Variants in DSCAM observed in about 807,000 individuals in gnomAD.
The protein encoded by DSCAM is cell adhesion molecule DSCAM.
Under a neutral mutation model 217.7 loss-of-function variants are expected in DSCAM, and 47 were observed. The ratio of observed to expected loss-of-function variants is 0.22; its 90% confidence interval spans 0.17 to 0.28. The LOEUF (loss-of-function observed/expected upper bound fraction) is 0.28. DSCAM is among the 10% of genes least tolerant of loss of function. The pLI, the probability that DSCAM is intolerant of heterozygous loss-of-function variation, is 1.00. For missense variants in DSCAM, 2,080 were observed against 2,618.3 expected (o/e 0.79, Z 4.49); for synonymous variants, 1,056 against 1,015.3 (o/e 1.04, Z -0.76).
At chr21:40,213,224 T>G (rs2091202768) in intron 11 of DSCAM, among the ~76,000 whole-genome samples, 1 of 152,228 alleles carries the variant, frequency 6.6e-6, no homozygotes, top group African/African-American at 2.4e-5. Context: ...TTCCACGTTT[T>G]GCTTTATTTT....
intron 3 of DSCAM, among the ~76,000 whole-genome samples, chr21:40,419,138 CTTT>C (rs58690151): frequency 1.8e-4 from 25 of 138,384 alleles, no homozygotes; most frequent in Admixed American, 3.6e-4. Flanking sequence ...ACCCGGCTAG[CTTT>C]TTTTTTTTTT....
At position 40,236,611 on chromosome 21, in the gene DSCAM, C is replaced by T. The variant is rs563121330; in HGVS notation, c.2356+39486G>A. 9.4e-4 allele frequency among the ~76,000 whole-genome samples: 143 copies of T among 152,268 alleles called. 1 individual carries two copies. The highest frequency in any genetic ancestry group is 3.1e-3 in the African/African-American group (127 of 41,556). On this transcript the variant is annotated intron_variant, in intron 11 of 32. Transcript: ENST00000400454. ...GGGGTCAGGCTGCCCAGACTCACAA[C>T]CTGGCTCTGCTTCATAGAAGCCTGG...
rs1310347182 is a variant in DSCAM at position 40,518,317 on chromosome 21, G to C, written c.509-149072C>G. ...CATGTGGCAGCCAGTCTGTCAAAGAGCCTCGCAGACCATCTGCACATATTT... is the reference window on the plus strand; with the variant it reads ...CATGTGGCAGCCAGTCTGTCAAAGACCCTCGCAGACCATCTGCACATATTT... On this transcript the variant is annotated intron_variant, in intron 3 of 32. Transcript: ENST00000400454. Among the ~76,000 whole-genome samples, 3 of 83,192 alleles carry C rather than the reference G, an allele frequency of 3.6e-5. No individual in the cohort carries two copies. In the East Asian group the frequency reaches 9.2e-4, roughly 25 times the overall value. The allele number at this position is 83,192 out of a possible 152,430, so 54.6% of individuals were successfully genotyped here. A position where few individuals can be genotyped will look rare whatever the true frequency, so the allele number is the denominator to read the frequency against.
chr21:40,677,713 A>T (rs1302599459), intron 3 of DSCAM, among the ~76,000 whole-genome samples: 1 of 152,148 alleles, frequency 6.6e-6, no homozygotes, highest in East Asian at 1.9e-4. Flanking sequence ...TTAGGTCGTG[A>T]GGGTGGAGCC....
intron 3 of DSCAM, among the ~76,000 whole-genome samples, chr21:40,690,545 A>G (rs1162063541): frequency 1.3e-5 from 2 of 152,236 alleles, no homozygotes. Flanking sequence ...AAACTTTTGC[A>G]TTTAAAATTG....
rs199864188 is a variant in DSCAM, at chr21:40,041,494, A to AC, written c.5686+876dup. Among the ~76,000 whole-genome samples the AC allele has an allele frequency of 5.8e-5, 8 of 137,738 alleles. No homozygotes were observed. In the East Asian group the frequency reaches 1.4e-3, roughly 25 times the overall value. 90.4% of individuals were successfully genotyped at this position (137,738 alleles called of 152,430 possible). A position where few individuals can be genotyped will look rare whatever the true frequency, so the allele number is the denominator to read the frequency against. On this transcript the variant is annotated intron_variant, in intron 32 of 32. Coordinates refer to ENST00000400454, the MANE Select transcript of DSCAM (RefSeq NM_001389.5). Reference sequence around the variant, plus strand: ...TCTTAAAACACAAGTCCATACTAAGACCCCATTTCCACTTGCGATCAGTTG... The same window carrying AC: ...TCTTAAAACACAAGTCCATACTAAGACCCCCATTTCCACTTGCGATCAGTTG...
chr21:40,490,636 G>A (rs551245027), intron 3 of DSCAM, among the ~76,000 whole-genome samples: 82 of 152,272 alleles, frequency 5.4e-4, no homozygotes, highest in African/African-American at 1.7e-3. Context: ...CAAAGAGGTT[G>A]TCTAGAGCCA....
intron 20 of DSCAM, among the ~76,000 whole-genome samples, chr21:40,100,939 A>G (rs1387186967): frequency 1.3e-5 from 2 of 152,226 alleles, no homozygotes; most frequent in Non-Finnish European, 2.9e-5. Context: ...AGTGGACTAC[A>G]GTAATTGTGC....
chr21:40,089,353 C>T (rs2089575026), intron 21 of DSCAM, among the ~76,000 whole-genome samples: 1 of 152,174 alleles, frequency 6.6e-6, no homozygotes, highest in African/African-American at 2.4e-5. Context: ...GGGCATCTGC[C>T]TTTTGACAAG....
intron 3 of DSCAM, among the ~76,000 whole-genome samples, chr21:40,572,098 GTGT>G: frequency 6.6e-6 from 1 of 151,732 alleles, no homozygotes; most frequent in Non-Finnish European, 1.5e-5. Flanking sequence ...GTGTGTGTGT[GTGT>G]GTGTGTGTGT....
chr21:40,797,226 G>A (rs1412952761), intron 1 of DSCAM, among the ~76,000 whole-genome samples: 3 of 152,090 alleles, frequency 2.0e-5, no homozygotes, highest in Non-Finnish European at 4.4e-5. Context: ...GAGTGACATT[G>A]ACCATTAACC....
intron 2 of DSCAM, among the ~76,000 whole-genome samples, chr21:40,694,924 G>A (rs1287406815): frequency 6.6e-6 from 1 of 152,202 alleles, no homozygotes; most frequent in Non-Finnish European, 1.5e-5. Flanking sequence ...ATGGTGAGAA[G>A]CAGAAGACAG....
intron 20 of DSCAM, among the ~76,000 whole-genome samples, chr21:40,111,246 G>A (rs924928674): frequency 6.6e-6 from 1 of 152,210 alleles, no homozygotes; most frequent in African/African-American, 2.4e-5. Flanking sequence ...CCAGAAGAGA[G>A]TGGGGGCCAA....
At chr21:40,578,682 C>T (rs775773689) in intron 3 of DSCAM, among the ~76,000 whole-genome samples, 1 of 152,186 alleles carries the variant, frequency 6.6e-6, no homozygotes, top group Non-Finnish European at 1.5e-5. Context: ...TCCACACTAC[C>T]TTTATGAGCT....
chr21:40,701,610 TTG>T (rs1259320114), intron 2 of DSCAM, among the ~76,000 whole-genome samples: 1 of 152,130 alleles, frequency 6.6e-6, no homozygotes, highest in Non-Finnish European at 1.5e-5. Flanking sequence ...TTCATATATA[TTG>T]TGTGTTCATT....
At chr21:40,043,281 G>T (rs1284946306) in intron 31 of DSCAM, among the ~76,000 whole-genome samples, 2 of 152,198 alleles carry the variant, frequency 1.3e-5, no homozygotes, top group African/African-American at 2.4e-5. Context: ...CGCCATCTTG[G>T]TCAGGGAGAT....
At chr21:40,609,555 G>A (rs758420627) in intron 3 of DSCAM, among the ~76,000 whole-genome samples, 18 of 152,174 alleles carry the variant, frequency 1.2e-4, no homozygotes, top group Non-Finnish European at 2.1e-4. Context: ...TGCTTGTGGG[G>A]AAATGCTTGG....
At chr21:40,021,091 GGGAAGAGACACACAGAGAGAGAGAGA>G (rs1355090882) in intron 32 of DSCAM, among the ~76,000 whole-genome samples, 1 of 150,990 alleles carries the variant, frequency 6.6e-6, no homozygotes, top group Non-Finnish European at 1.5e-5. Context: ...TGAGAGAGAG[GGGAAGAGACACACAGAGAGAGAGAGA>G]GGGATCAGAG....
chr21:40,069,087 GA>G (rs56406042), intron 27 of DSCAM, among the ~76,000 whole-genome samples: 39,856 of 124,638 alleles, frequency 0.32, 6,609 homozygotes, highest in East Asian at 0.53. Flanking sequence ...CTCTGTCTCA[GA>G]AAAAAAAAAA....
Sources: allele counts gnomAD v4.1 joint callset (sites outside exome capture counted in the v4.1 genomes callset), GRCh38; gene constraint gnomAD v4.1.1; transcripts MANE v1.5; gene names NCBI Gene and HGNC (gene_info 2026-07-23, HGNC 2026-07-21).